C1orf174: variants seen among roughly 807,000 people sequenced by gnomAD.
The protein encoded by C1orf174 is chromosome 1 open reading frame 174.
C1orf174 carries 13 observed loss-of-function variants against 18.4 expected under a neutral mutation model. The ratio of observed to expected loss-of-function variants is 0.71; its 90% CI spans 0.46 to 1.12. The LOEUF (loss-of-function observed/expected upper bound fraction) is 1.12. C1orf174 is among the 50% of genes most tolerant of loss of function. The pLI, the probability that C1orf174 is intolerant of heterozygous loss-of-function variation, is 0.00. For synonymous variants in C1orf174, 100 were observed against 118.3 expected (o/e 0.85, Z 1.01); for missense variants, 309 against 308.0 (o/e 1.00, Z -0.02).
intron 1 of C1orf174, among the ~76,000 whole-genome samples, chr1:3,893,537 T>C (rs1638551617): frequency 6.6e-6 from 1 of 152,164 alleles, no homozygotes; most frequent in Admixed American, 6.5e-5. Context: ...AAGAAATTAA[T>C]TAAAGACATA....
At chr1:3,892,716 C>G in intron 2 of C1orf174, 167 bp downstream of exon 2, 3 of 1,454,986 alleles carry the variant, frequency 2.1e-6, no homozygotes, top group Non-Finnish European at 2.7e-6. Flanking sequence ...GTGTCTTTCT[C>G]TGAAGGCAAT....
intron 1 of C1orf174, among the ~76,000 whole-genome samples, chr1:3,893,846 A>ATG (rs1178495270): frequency 6.6e-6 from 1 of 152,194 alleles, no homozygotes; most frequent in East Asian, 1.9e-4. Context: ...GTAGTGAGCT[A>ATG]TGACTGCACC....
At chr1:3,896,888 G>A (rs1050171299) in intron 1 of C1orf174, among the ~76,000 whole-genome samples, 7 of 152,142 alleles carry the variant, frequency 4.6e-5, no homozygotes, top group African/African-American at 1.7e-4. Flanking sequence ...AGGGAAAGAG[G>A]AAAAGGACCT....
chr1:3,899,987 C>T (rs996794424), intron 1 of C1orf174, among the ~76,000 whole-genome samples, 185 bp downstream of exon 1: 1 of 152,046 alleles, frequency 6.6e-6, no homozygotes, highest in African/African-American at 2.4e-5. Flanking sequence ...GGGGCGTGAC[C>T]TGGCAGCCCT....
rs1012642928 is a variant in C1orf174 at position 3,900,247 on chromosome 1, G to T, written c.-61C>A. On this transcript the variant is annotated 5_prime_UTR_variant, in exon 1 of 4. Coordinates refer to ENST00000361605, the MANE Select transcript of C1orf174 (RefSeq NM_207356.3). Reference sequence around the variant, plus strand: ...GGCCAACGCGTCCCGGCGGAGCGGCGACCCGGAGTCTGCAGAGCGCGCCGC... The same window carrying T: ...GGCCAACGCGTCCCGGCGGAGCGGCTACCCGGAGTCTGCAGAGCGCGCCGC... 2 of 1,521,708 alleles carry T rather than the reference G, an allele frequency of 1.3e-6. No homozygotes were observed. The highest frequency in any genetic ancestry group is 1.2e-5 in the South Asian group (1 of 80,898). 94.3% of individuals were successfully genotyped at this position (1,521,708 alleles called of 1,614,324 possible). A position where few individuals can be genotyped will look rare whatever the true frequency, so the allele number is the denominator to read the frequency against.
At chr1:3,891,180 C>T in intron 2 of C1orf174, 123 bp from the exon 3 acceptor site, 1 of 1,271,806 alleles carries the variant, frequency 7.9e-7, no homozygotes, top group Non-Finnish European at 1.1e-6. Flanking sequence ...ACAACTTTCA[C>T]AGATCGTCAT....
intron 1 of C1orf174, among the ~76,000 whole-genome samples, chr1:3,897,370 G>A (rs1638624503): frequency 6.6e-6 from 1 of 152,156 alleles, no homozygotes; most frequent in African/African-American, 2.4e-5. Flanking sequence ...GAGTAGAAAA[G>A]TACAAAACCT....
chr1:3,900,269 C>A lies in C1orf174; in HGVS notation c.-83G>T, dbSNP rs376214254. The A allele has an allele frequency of 1.2e-4, 167 of 1,440,130 alleles. 1 individual carries two copies. The East Asian group carries it at 3.7e-3, about 32-fold the overall frequency. 89.2% of individuals were successfully genotyped at this position (1,440,130 alleles called of 1,614,324 possible). A position where few individuals can be genotyped will look rare whatever the true frequency, so the allele number is the denominator to read the frequency against. On this transcript the variant is annotated 5_prime_UTR_variant, in exon 1 of 4. Transcript: ENST00000361605. The stretch of plus-strand genomic sequence containing the variant: ...GGCGACCCGGAGTCTGCAGAGCGCG[C>A]CGCGGCGGCGTCCGACGTCAGCACA...
rs59405380 is a variant in C1orf174, at chr1:3,889,700, GAAA to G, written c.*257_*259del. 0.026 allele frequency: 3,822 copies of G among 145,694 alleles called. 5 individuals are homozygous for G. The highest frequency in any genetic ancestry group is 0.043 in the South Asian group (394 of 9,084). The allele number at this position is 145,694 out of a possible 1,614,324, so 9.0% of individuals were successfully genotyped here. On this transcript the variant is annotated 3_prime_UTR_variant, in exon 4 of 4. Transcript: ENST00000361605. ...ACAAGAGAGAAACTCTGTCTCCAAG[GAAA>G]AAAAAAAAAAAAAAAAAAGAAAGGA...
chr1:3,893,881 G>A (rs927594729), intron 1 of C1orf174, among the ~76,000 whole-genome samples: 4 of 152,178 alleles, frequency 2.6e-5, no homozygotes, highest in African/African-American at 9.7e-5. Flanking sequence ...GGGTGACAGA[G>A]TGAGACAGTG....
At position 3,890,564 on chromosome 1, in the gene C1orf174, C is replaced by G; in HGVS notation, c.618+5G>C. 1 of 1,613,772 alleles carries G rather than the reference C, an allele frequency of 6.2e-7. No homozygotes were observed. The highest frequency in any genetic ancestry group is 8.5e-7 in the Non-Finnish European group (1 of 1,179,882). On this transcript the variant is annotated splice_donor_5th_base_variant and intron_variant, in intron 3 of 3. Coordinates refer to ENST00000361605, the MANE Select transcript of C1orf174 (RefSeq NM_207356.3). ...CCCACGGGAGGAGGAAGGCGCCGCT[C>G]TTACCTGCATGAGCTCAACGTTTCC...
At chr1:3,895,863 C>T (rs548886026) in intron 1 of C1orf174, 10 of 152,350 alleles carry the variant, frequency 6.6e-5, no homozygotes, top group African/African-American at 2.4e-4. Flanking sequence ...CATGGTTTCT[C>T]CAAAAGGGCT....
chr1:3,897,745 G>A (rs1448362824), intron 1 of C1orf174, among the ~76,000 whole-genome samples: 1 of 151,986 alleles, frequency 6.6e-6, no homozygotes, highest in Non-Finnish European at 1.5e-5. Flanking sequence ...CTCACTGCAA[G>A]CTCCGCCCCC....
rs766978271 is a variant in C1orf174, at chr1:3,900,222, G to A, written c.-36C>T. The A allele has an allele frequency of 5.8e-6, 9 of 1,556,154 alleles. No individual in the cohort carries two copies. Among genetic ancestry groups the A allele is most frequent in the East Asian group, 2.5e-5 (1 of 40,466 alleles). Reference sequence around the variant, plus strand: ...ACCGCAGCCAAGCACCGCGCGCCCCGGCCAACGCGTCCCGGCGGAGCGGCG... The same window carrying A: ...ACCGCAGCCAAGCACCGCGCGCCCCAGCCAACGCGTCCCGGCGGAGCGGCG... On this transcript the variant is annotated 5_prime_UTR_variant, in exon 1 of 4. Coordinates refer to ENST00000361605, the MANE Select transcript of C1orf174 (RefSeq NM_207356.3).
chr1:3,897,085 T>A (rs1638619158), intron 1 of C1orf174, among the ~76,000 whole-genome samples: 1 of 152,160 alleles, frequency 6.6e-6, no homozygotes, highest in African/African-American at 2.4e-5. Flanking sequence ...AAATGTATTA[T>A]CTAAAATGTC....
intron 1 of C1orf174, among the ~76,000 whole-genome samples, chr1:3,894,305 AAC>A (rs769292946): frequency 3.3e-5 from 5 of 152,138 alleles, no homozygotes; most frequent in Non-Finnish European, 7.4e-5. Context: ...AAAAAAATAA[AAC>A]ACAGAAATAA....
chr1:3,900,031 A>G (rs1351971349), intron 1 of C1orf174, 141 bp downstream of exon 1: 5 of 1,040,932 alleles, frequency 4.8e-6, no homozygotes, highest in East Asian at 3.2e-5. Flanking sequence ...GAGCCCCCCA[A>G]CTACTGCCGG....
chr1:3,892,967 G>A lies in C1orf174; in HGVS notation c.45C>T (p.Arg15=), dbSNP rs935858576. ...KLTGAVRSSA[R]LKARSCSAAR... is the part of the protein sequence containing the mutation. ...CTGCCGAACAACTTCGTGCTTTCAAGCGCGCTGAAGACCGCACTGCACCTG... is the reference window on the plus strand; with the variant it reads ...CTGCCGAACAACTTCGTGCTTTCAAACGCGCTGAAGACCGCACTGCACCTG... Residue 15 remains arginine, a synonymous_variant, in exon 2 of 4, where the codon CGC becomes CGT. Transcript: ENST00000361605. 3 of 1,614,140 alleles carry A rather than the reference G, an allele frequency of 1.9e-6. No individual in the cohort carries two copies. The highest frequency in any genetic ancestry group is 2.5e-6 in the Non-Finnish European group (3 of 1,180,028).
chr1:3,895,120 G>A (rs1453922877), intron 1 of C1orf174, among the ~76,000 whole-genome samples: 1 of 152,194 alleles, frequency 6.6e-6, no homozygotes, highest in Non-Finnish European at 1.5e-5. Context: ...GCCCTCCTCC[G>A]GGCGCTTTGC....
Sources: gnomAD v4.1 joint callset for allele counts (sites outside exome capture counted in the v4.1 genomes callset) on GRCh38, gnomAD v4.1.1 for gene constraint, MANE v1.5 for transcripts, NCBI Gene and HGNC (gene_info 2026-07-23, HGNC 2026-07-21) for gene names.